Variants in PTPRM observed in about 807,000 individuals in gnomAD.
PTPRM encodes protein tyrosine phosphatase receptor type M.
In PTPRM, 47 loss-of-function variants were observed where a neutral mutation model predicts 186.7. The ratio of observed to expected loss-of-function variants is 0.25; its 90% CI spans 0.20 to 0.32. PTPRM has a LOEUF of 0.32. Ranked by LOEUF, PTPRM falls within the 10% of genes least tolerant of loss-of-function variation. PTPRM has a pLI of 1.00. For missense variants in PTPRM, 1,494 were observed against 1,865.0 expected, an observed-to-expected ratio of 0.80 and a Z score of 3.66; for synonymous variants, 668 against 674.9, an observed-to-expected ratio of 0.99 and a Z score of 0.16.
chr18:8,127,838 A>T (rs1359641616), intron 13 of PTPRM, among the ~76,000 whole-genome samples: 1 of 152,142 alleles, frequency 6.6e-6, no homozygotes, highest in Non-Finnish European at 1.5e-5. Context: ...TCTACATAAG[A>T]GAGGAGGAAC....
rs1425968775 is a variant in PTPRM, at chr18:7,802,700, A to AT, written c.196+28436dup. 3.9e-5 allele frequency among the ~76,000 whole-genome samples: 6 copies of AT among 152,164 alleles called. No individual in the cohort carries two copies. In the South Asian group the frequency reaches 1.0e-3, roughly 26 times the overall value. On this transcript the variant is annotated intron_variant, in intron 2 of 32. Coordinates refer to ENST00000580170, the MANE Select transcript of PTPRM (RefSeq NM_001105244.2). Reference sequence around the variant, plus strand: ...TGGAATCCGATTTCCTAGTAAATTGATTTTTTTCCTGCAATAAGAAAGCTA... The same window carrying AT: ...TGGAATCCGATTTCCTAGTAAATTGATTTTTTTTCCTGCAATAAGAAAGCTA...
chr18:8,157,734 C>T (rs1434657058), intron 14 of PTPRM, among the ~76,000 whole-genome samples: 1 of 152,206 alleles, frequency 6.6e-6, no homozygotes, highest in Non-Finnish European at 1.5e-5. Context: ...CCTGGGGCAT[C>T]AATACTACCA....
At position 8,379,216 on chromosome 18, in the gene PTPRM, C is replaced by T; in HGVS notation, c.3662C>T (p.Ala1221Val). The change falls in exon 28 of 33, where the codon GCA (alanine) becomes GTA (valine). Residue 1221 changes from alanine (A) to valine (V), a missense_variant. Physicochemically the swap from Ala to Val is moderately conservative, Grantham distance 64 (BLOSUM62 0). Transcript: ENST00000580170. ...PTLRVEDCSI[A>V]LLPRNHEKNR... Reference sequence around the variant, plus strand: ...CTGCGAGTAGAGGACTGCAGCATCGCACTGTTGCCCCGGAACCATGAGAAA... The same window carrying T: ...CTGCGAGTAGAGGACTGCAGCATCGTACTGTTGCCCCGGAACCATGAGAAA... The T allele has an allele frequency of 6.2e-7, 1 of 1,613,932 alleles. No individual in the cohort carries two copies. Among genetic ancestry groups the T allele is most frequent in the Non-Finnish European group, 8.5e-7 (1 of 1,179,914 alleles).
intron 4 of PTPRM, among the ~76,000 whole-genome samples, chr18:7,916,510 C>T (rs913224365): frequency 5.3e-5 from 8 of 152,178 alleles, no homozygotes; most frequent in Non-Finnish European, 8.8e-5. Flanking sequence ...GGTGCCAACA[C>T]GGTCAGGTTA....
chr18:8,326,893 AG>A (rs1188015661), intron 22 of PTPRM, among the ~76,000 whole-genome samples: 2 of 152,182 alleles, frequency 1.3e-5, no homozygotes, highest in Non-Finnish European at 2.9e-5. Context: ...GCCCCAGCAA[AG>A]GGGCCTTTTC....
chr18:7,719,033 A>G (rs912736172), intron 1 of PTPRM, among the ~76,000 whole-genome samples: 6 of 152,220 alleles, frequency 3.9e-5, no homozygotes, highest in South Asian at 2.1e-4. Flanking sequence ...TGATCCGGCA[A>G]TCCCACTACT....
chr18:7,658,359 T>TATATATATATATATATATATATAC (rs1491198247), intron 1 of PTPRM, among the ~76,000 whole-genome samples: 15 of 136,680 alleles, frequency 1.1e-4, no homozygotes, highest in African/African-American at 4.1e-4. Context: ...TATATATATA[T>TATATATATATATATATATATATAC]ACATACACAC....
rs758197845 is a variant in PTPRM, at chr18:8,085,662, CT to C, written c.1552-5del. ...CCAGATATTTTATCACTTTCTCATT[CT>C]TTTGCAGATCACCTACAAAGCAGTC... On this transcript the variant is annotated splice_polypyrimidine_tract_variant and splice_region_variant and intron_variant, in intron 9 of 32. Coordinates refer to ENST00000580170, the MANE Select transcript of PTPRM (RefSeq NM_001105244.2). The C allele has an allele frequency of 1.9e-6, 3 of 1,579,548 alleles. No individual in the cohort carries two copies.
intron 7 of PTPRM, among the ~76,000 whole-genome samples, chr18:7,970,712 G>T (rs1318964799): frequency 2.1e-5 from 1 of 47,842 alleles, no homozygotes; most frequent in African/African-American, 1.1e-4. Context: ...ATTCACAATT[G>T]CTTCAAAGAG....
intron 7 of PTPRM, among the ~76,000 whole-genome samples, chr18:8,045,219 G>A (rs1055659760): frequency 6.6e-6 from 1 of 152,150 alleles, no homozygotes; most frequent in African/African-American, 2.4e-5. Flanking sequence ...GTGATGGCAT[G>A]TACGTCTGGT....
chr18:8,188,491 G>T (rs1024854854), intron 14 of PTPRM, among the ~76,000 whole-genome samples: 1 of 152,144 alleles, frequency 6.6e-6, no homozygotes, highest in Non-Finnish European at 1.5e-5. Context: ...CCGAGAAAAT[G>T]TCCAGCTGAA....
intron 1 of PTPRM, among the ~76,000 whole-genome samples, chr18:7,652,483 G>A (rs1222790835): frequency 6.6e-6 from 1 of 151,994 alleles, no homozygotes; most frequent in Non-Finnish European, 1.5e-5. Flanking sequence ...ATTCACAAAA[G>A]CAAAGACTTG....
intron 14 of PTPRM, among the ~76,000 whole-genome samples, chr18:8,221,108 A>G (rs568061227): frequency 1.3e-5 from 2 of 152,220 alleles, no homozygotes; most frequent in East Asian, 3.9e-4. Flanking sequence ...TGCAGATTTG[A>G]CAGGGTGTTT....
chr18:8,221,161 G>T (rs2094148930), intron 14 of PTPRM, among the ~76,000 whole-genome samples: 1 of 152,122 alleles, frequency 6.6e-6, no homozygotes, highest in Admixed American at 6.5e-5. Context: ...GGAAGACTAG[G>T]ATAGCAATGG....
intron 7 of PTPRM, among the ~76,000 whole-genome samples, chr18:8,003,154 G>A (rs920645427): frequency 1.3e-5 from 2 of 152,142 alleles, no homozygotes; most frequent in African/African-American, 4.8e-5. Context: ...CATGTCAAGG[G>A]CGGGGCCAGG....
chr18:7,712,862 G>A (rs1052769485), intron 1 of PTPRM, among the ~76,000 whole-genome samples: 10 of 152,012 alleles, frequency 6.6e-5, no homozygotes, highest in African/African-American at 2.4e-4. Context: ...AAGCAATATG[G>A]GACTGTGTGA....
At chr18:8,057,455 C>CTTTTT in intron 7 of PTPRM, among the ~76,000 whole-genome samples, 1 of 78,124 alleles carries the variant, frequency 1.3e-5, no homozygotes, top group Non-Finnish European at 2.6e-5. Flanking sequence ...TTTAGCTATT[C>CTTTTT]TTTTTTTTTT....
chr18:7,894,581 G>A (rs915744560), intron 3 of PTPRM, among the ~76,000 whole-genome samples: 5 of 151,626 alleles, frequency 3.3e-5, no homozygotes, highest in Non-Finnish European at 5.9e-5. Context: ...GCAAGACTCC[G>A]TCTCAGGAAA....
intron 24 of PTPRM, among the ~76,000 whole-genome samples, chr18:8,372,877 AGTC>A (rs1394819605): frequency 1.3e-5 from 2 of 152,152 alleles, no homozygotes; most frequent in Non-Finnish European, 2.9e-5. Context: ...TTTGAACAAT[AGTC>A]AGCTCTCTAA....
Sources: allele counts gnomAD v4.1 joint callset (sites outside exome capture counted in the v4.1 genomes callset), GRCh38; gene constraint gnomAD v4.1.1; transcripts MANE v1.5; gene names NCBI Gene and HGNC (gene_info 2026-07-23, HGNC 2026-07-21).